Variants in CCDC50 observed in about 807,000 individuals in gnomAD.
The protein encoded by CCDC50 is coiled-coil domain-containing protein 50.
In CCDC50, 54 loss-of-function variants were observed where a neutral mutation model predicts 70.2. The ratio of observed to expected loss-of-function variants is 0.77; its 90% confidence interval spans 0.62 to 0.96. The LOEUF (loss-of-function observed/expected upper bound fraction) is 0.96. CCDC50 is among the 50% of genes least tolerant of loss of function. The pLI is 0.00. For missense variants in CCDC50, 558 were observed against 578.7 expected, an observed-to-expected ratio of 0.96 and a Z score of 0.37; for synonymous variants, 216 against 198.8, an observed-to-expected ratio of 1.09 and a Z score of -0.73.
At chr3:191,377,292 C>T (rs1019877263) in intron 6 of CCDC50, among the ~76,000 whole-genome samples, 1 of 152,086 alleles carries the variant, frequency 6.6e-6, no homozygotes, top group Non-Finnish European at 1.5e-5. Context: ...GTTGTAAAAG[C>T]ACAATTCTTA....
chr3:191,343,997 C>T (rs1476774820), intron 1 of CCDC50, among the ~76,000 whole-genome samples: 1 of 152,192 alleles, frequency 6.6e-6, no homozygotes, highest in African/African-American at 2.4e-5. Context: ...AAAACTATCA[C>T]ATTAGGCCTG....
intron 2 of CCDC50, among the ~76,000 whole-genome samples, chr3:191,357,456 G>A (rs1009457548): frequency 1.3e-4 from 20 of 152,270 alleles, no homozygotes; most frequent in Admixed American, 2.6e-4. Flanking sequence ...TCTGGGGTGC[G>A]TAGAAGGAAT....
chr3:191,329,828 T>TGCCCGCC, intron 1 of CCDC50, 105 bp downstream of exon 1: 1 of 1,144,466 alleles, frequency 8.7e-7, no homozygotes, highest in South Asian at 1.4e-5. Flanking sequence ...CCTCGCCCGG[T>TGCCCGCC]GCCCGCCCTG....
chr3:191,386,072 C>G (rs60597809), intron 10 of CCDC50, among the ~76,000 whole-genome samples: 1 of 152,048 alleles, frequency 6.6e-6, no homozygotes, highest in African/African-American at 2.4e-5. Flanking sequence ...TCCCTTTGTT[C>G]TTATTGCTTA....
chr3:191,370,451 G>A (rs1372400882), intron 5 of CCDC50, among the ~76,000 whole-genome samples: 1 of 144,296 alleles, frequency 6.9e-6, no homozygotes, highest in Non-Finnish European at 1.5e-5. Context: ...ACCTGTGAGT[G>A]AGAACATGCG....
intron 5 of CCDC50, among the ~76,000 whole-genome samples, chr3:191,374,330 C>T (rs187848944): frequency 7.5e-4 from 114 of 152,252 alleles, no homozygotes; most frequent in African/African-American, 2.7e-3. Context: ...TAGGAAGCGA[C>T]TCCTTTTTAT....
intron 4 of CCDC50, among the ~76,000 whole-genome samples, chr3:191,367,306 A>C (rs1712728931): frequency 6.6e-6 from 1 of 152,038 alleles, no homozygotes. Context: ...TGCTTCCATT[A>C]GGACTAAATT....
intron 10 of CCDC50, 24 bp downstream of exon 10, chr3:191,382,849 A>G: frequency 6.4e-7 from 1 of 1,557,110 alleles, no homozygotes. Flanking sequence ...TGAAAAGAAA[A>G]ATGAGGAAGT....
Position 191,329,411 on chromosome 3 carries a change from A to C in CCDC50, c.-264A>C. 6 of 396,184 alleles carry C rather than the reference A, an allele frequency of 1.5e-5. No homozygotes were observed. Among genetic ancestry groups the C allele is most frequent in the Middle Eastern group, 6.9e-4 (1 of 1,446 alleles). 24.5% of individuals were successfully genotyped at this position (396,184 alleles called of 1,614,324 possible). A position where few individuals can be genotyped will look rare whatever the true frequency, so the allele number is the denominator to read the frequency against. On this transcript the variant is annotated 5_prime_UTR_variant, in exon 1 of 12. Transcript: ENST00000392455. Reference sequence around the variant, plus strand: ...CCCGGTCCATTTCCGGGCTCCGGATATTTGGTATCGATTGGGGCCGGGGAC... The same window carrying C: ...CCCGGTCCATTTCCGGGCTCCGGATCTTTGGTATCGATTGGGGCCGGGGAC...
Position 191,375,361 on chromosome 3 carries a change from G to C in CCDC50, c.748G>C (p.Glu250Gln), listed in dbSNP as rs2108663074. 6.2e-7 allele frequency: 1 copy of C among 1,613,736 alleles called. No homozygotes were observed. The highest frequency in any genetic ancestry group is 8.5e-7 in the Non-Finnish European group (1 of 1,179,820). Residue 250 changes from glutamate (E) to glutamine (Q), a missense_variant, in exon 6 of 12, where the codon GAA becomes CAA. By Grantham distance (29) the Glu-to-Gln change is conservative (BLOSUM62 2). Coordinates refer to ENST00000392455, the MANE Select transcript of CCDC50 (RefSeq NM_178335.3). ...CAGTGGTGAAGTGTTTCTGAGCACT[G>C]AATGTGATGACTGGGAGACTAAGAT... The part of the protein sequence containing the change: ...TISGEVFLST[E>Q]CDDWETKINH...
intron 10 of CCDC50, among the ~76,000 whole-genome samples, chr3:191,386,703 C>G (rs548137493): frequency 3.3e-4 from 50 of 152,266 alleles, no homozygotes; most frequent in Admixed American, 1.4e-3. Flanking sequence ...AGCTGAGAAT[C>G]AAATCAAGAA....
chr3:191,345,875 A>C (rs1008857289), intron 1 of CCDC50, among the ~76,000 whole-genome samples: 4 of 152,206 alleles, frequency 2.6e-5, no homozygotes, highest in Non-Finnish European at 5.9e-5. Flanking sequence ...GCACACATTT[A>C]AAACTTATGC....
chr3:191,336,733 C>T (rs138230182), intron 1 of CCDC50, among the ~76,000 whole-genome samples: 1 of 152,198 alleles, frequency 6.6e-6, no homozygotes, highest in East Asian at 1.9e-4. Context: ...TGTACTCAGA[C>T]TTATGCAATT....
At chr3:191,367,091 C>T (rs1249216204) in intron 4 of CCDC50, among the ~76,000 whole-genome samples, 2 of 152,014 alleles carry the variant, frequency 1.3e-5, no homozygotes, top group Non-Finnish European at 2.9e-5. Context: ...TTCCTCAAGC[C>T]TAGTAGACCT....
chr3:191,389,082 C>CT (rs1713595781), intron 10 of CCDC50, among the ~76,000 whole-genome samples: 1 of 151,954 alleles, frequency 6.6e-6, no homozygotes. Context: ...CTTACCCTTC[C>CT]TTTTTTCTTT....
chr3:191,351,954 A>G (rs544653323), intron 1 of CCDC50, among the ~76,000 whole-genome samples: 11 of 105,708 alleles, frequency 1.0e-4, no homozygotes, highest in African/African-American at 4.8e-4. Flanking sequence ...GCTTCTGTGC[A>G]TAGGAATTTT....
chr3:191,335,428 G>C (rs1166645498), intron 1 of CCDC50, among the ~76,000 whole-genome samples: 1 of 152,140 alleles, frequency 6.6e-6, no homozygotes, highest in African/African-American at 2.4e-5. Context: ...CTAGATCTTA[G>C]ATAAGACCTA....
rs978124534 is a variant in CCDC50, at chr3:191,380,849, G to A, written c.1159G>A (p.Ala387Thr). Residue 387 changes from alanine to threonine, a missense_variant, in exon 9 of 12, where the codon GCT (alanine) becomes ACT (threonine). Transcript: ENST00000392455. ...TTAGGAAATCGCTCGACTTCTAATG[G>A]CTGAAGAAAAGAAAGCTTACAAAAA... ...QDEEIARLLM[A>T]EEKKAYKKAK... The A allele has an allele frequency of 3.1e-6, 5 of 1,612,722 alleles. No homozygotes were observed. In the African/African-American group the frequency reaches 4.0e-5, roughly 13 times the overall value.
rs992023316 is a variant in CCDC50, at chr3:191,364,250, G to A, written c.330+3091G>A. On this transcript the variant is annotated intron_variant, in intron 4 of 11. Transcript: ENST00000392455. ...CGTCCGGCTCATTTTTTGTATTTCA[G>A]TAGAGACAGGGTTTCGTCATGTTGG... Among the ~76,000 whole-genome samples the A allele has an allele frequency of 4.6e-5, 7 of 152,058 alleles. No individual in the cohort carries two copies. The South Asian group carries it at 8.3e-4, about 18-fold the overall frequency.
Sources: allele counts gnomAD v4.1 joint callset (sites outside exome capture counted in the v4.1 genomes callset), GRCh38; gene constraint gnomAD v4.1.1; transcripts MANE v1.5; gene names NCBI Gene and HGNC (gene_info 2026-07-23, HGNC 2026-07-21).